ACE: variants seen among roughly 807,000 people sequenced by gnomAD.
The protein encoded by ACE is angiotensin-converting enzyme.
ACE carries 122 observed loss-of-function variants against 162.3 expected under a neutral mutation model. The observed-to-expected ratio is 0.75, with a 90% CI of 0.65 to 0.87. The LOEUF (loss-of-function observed/expected upper bound fraction) is 0.87. Ranked by LOEUF, ACE falls within the 40% of genes least tolerant of loss-of-function variation. The pLI is 0.00. For synonymous variants in ACE, 796 were observed against 720.6 expected, an observed-to-expected ratio of 1.10 and a Z score of -1.68; for missense variants, 1,799 against 1,735.1, an observed-to-expected ratio of 1.04 and a Z score of -0.65.
intron 20 of ACE, 106 bp downstream of exon 20, chr17:63,493,765 C>T: frequency 1.3e-6 from 2 of 1,518,338 alleles, no homozygotes; most frequent in Non-Finnish European, 1.8e-6. Context: ...AGGTGTGGGG[C>T]AGAGCAATCG....
rs1266802762 is a variant in ACE at position 63,483,990 on chromosome 17, G to C, written c.1709+19G>C. On this transcript the variant is annotated intron_variant, in intron 11 of 24. Transcript: ENST00000290866. The stretch of plus-strand genomic sequence containing the variant: ...AGCTCCGGTGTGTGGTGGGAAGCCG[G>C]GGGAAGTGGGAGGCAGAGAGGAGCG... 9 of 1,607,016 alleles carry C rather than the reference G, an allele frequency of 5.6e-6. No homozygotes were observed. Among genetic ancestry groups the C allele is most frequent in the Non-Finnish European group, 7.6e-6 (9 of 1,177,134 alleles).
At chr17:63,481,414 T>C in intron 6 of ACE, 152 bp from the exon 7 acceptor site, 1 of 913,658 alleles carries the variant, frequency 1.1e-6, no homozygotes, top group South Asian at 1.6e-5. Flanking sequence ...ACTCATCTGC[T>C]GTGGGAGTGA....
intron 10 of ACE, 29 bp downstream of exon 10, chr17:63,483,587 C>T (rs1473372218): frequency 3.2e-5 from 48 of 1,519,910 alleles, no homozygotes; most frequent in Non-Finnish European, 4.3e-5. Context: ...CACCCACCCC[C>T]AGTACTGTCA....
Position 63,477,924 on chromosome 17 carries a change from C to G in ACE, c.250-7C>G. ...TACACCCTCCCTGCCCTCCTGGTGC[C>G]CAATAGGAGGAAGCAGCCCTGCTCA... On this transcript the variant is annotated splice_region_variant and splice_polypyrimidine_tract_variant and intron_variant, in intron 1 of 24. Transcript: ENST00000290866. The G allele has an allele frequency of 6.2e-7, 1 of 1,608,048 alleles. No individual in the cohort carries two copies. Among genetic ancestry groups the G allele is most frequent in the Non-Finnish European group, 8.5e-7 (1 of 1,177,440 alleles).
intron 14 of ACE, 80 bp downstream of exon 14, chr17:63,486,795 T>G: frequency 6.4e-7 from 1 of 1,574,548 alleles, no homozygotes; most frequent in South Asian, 1.1e-5. Flanking sequence ...GCCTTCACGC[T>G]GCTTCCTCTT....
At chr17:63,488,543 T>TTTTTTTTTTTTTAGACGG in intron 15 of ACE, 105 bp from the exon 16 acceptor site, 3 of 1,253,710 alleles carry the variant, frequency 2.4e-6, no homozygotes, top group South Asian at 1.2e-5. Flanking sequence ...CAGTCACTTT[T>TTTTTTTTTTTTTAGACGG]ATGTGGTTTC....
At chr17:63,480,286 T>G in intron 4 of ACE, 51 bp from the exon 5 acceptor site, 1 of 1,594,268 alleles carries the variant, frequency 6.3e-7, no homozygotes, top group Non-Finnish European at 8.6e-7. Flanking sequence ...GCTGAGAGGC[T>G]GAGGTCCGAG....
intron 3 of ACE, among the ~76,000 whole-genome samples, chr17:63,479,557 G>A (rs1271291668): frequency 6.6e-6 from 1 of 152,204 alleles, no homozygotes; most frequent in Non-Finnish European, 1.5e-5. Context: ...GCCACCTTAG[G>A]TGGTCATGTC....
intron 19 of ACE, among the ~76,000 whole-genome samples, 195 bp from the exon 20 acceptor site, chr17:63,493,241 A>G (rs1411018357): frequency 6.6e-6 from 1 of 152,194 alleles, no homozygotes; most frequent in East Asian, 1.9e-4. Flanking sequence ...GCCCGATGCT[A>G]GGGGCTTCTG....
intron 15 of ACE, among the ~76,000 whole-genome samples, chr17:63,488,367 A>AGG (rs2030113186): frequency 6.8e-6 from 1 of 146,112 alleles, no homozygotes; most frequent in African/African-American, 2.5e-5. Context: ...TCAGAAAAAA[A>AGG]AAAAAAAAAA....
At chr17:63,492,238 C>T (rs908613539) in intron 19 of ACE, among the ~76,000 whole-genome samples, 4 of 152,230 alleles carry the variant, frequency 2.6e-5, no homozygotes, top group Non-Finnish European at 1.5e-5. Context: ...CAACTACTGA[C>T]GCAGCCAGTT....
At chr17:63,492,077 A>C (rs760564803) in intron 19 of ACE, among the ~76,000 whole-genome samples, 1 of 152,096 alleles carries the variant, frequency 6.6e-6, no homozygotes, top group Non-Finnish European at 1.5e-5. Context: ...ACATGTTCCC[A>C]GTGGCCTCTT....
At chr17:63,481,026 C>T (rs868109489) in intron 5 of ACE, 65 bp from the exon 6 acceptor site, 9 of 1,506,852 alleles carry the variant, frequency 6.0e-6, no homozygotes, top group Middle Eastern at 1.7e-4. Context: ...TGCCACTCAG[C>T]GATGCATGAA....
chr17:63,481,234 G>GGGGGCCC, intron 6 of ACE, 46 bp downstream of exon 6: 1 of 624,018 alleles, frequency 1.6e-6, no homozygotes, highest in Non-Finnish European at 3.0e-6. Flanking sequence ...CGGGGGTGGG[G>GGGGGCCC]CGCAAAAAAA....
In ACE at chr17:63,497,315, G is replaced by C; in HGVS notation, c.3870G>C (p.Arg1290=). ...LFSIRHRSLH[R]HSHGPQFGSE... is the part of the protein sequence containing the mutation. ...GCATCCGCCACCGCAGCCTCCACCG[G>C]CACTCCCACGGGCCCCAGTTCGGCT... Residue 1290 remains arginine (R), a synonymous_variant, in exon 25 of 25, where the codon CGG becomes CGC. Coordinates refer to ENST00000290866, the MANE Select transcript of ACE (RefSeq NM_000789.4). The C allele has an allele frequency of 5.2e-6, 8 of 1,549,228 alleles. No homozygotes were observed. Among genetic ancestry groups the C allele is most frequent in the Non-Finnish European group, 7.0e-6 (8 of 1,147,526 alleles).
chr17:63,478,502 C>A (rs2049655340), intron 2 of ACE: 4 of 268,928 alleles, frequency 1.5e-5, no homozygotes, highest in Non-Finnish European at 1.5e-5. Flanking sequence ...CTCGTCTCTA[C>A]AAAAAAAAAA....
intron 2 of ACE, 161 bp downstream of exon 2, chr17:63,478,259 G>A (rs936646043): frequency 1.2e-5 from 11 of 945,938 alleles, no homozygotes; most frequent in African/African-American, 1.7e-5. Flanking sequence ...TCTGAGCATT[G>A]ATTTTTCTTG....
chr17:63,483,567 G>GCGGGGGGGGGGCCCCCCCCCCCCCCC lies in ACE; in HGVS notation c.1586+10_1586+11insGGGGGGGGGGCCCCCCCCCCCCCCCC. 3.1e-6 allele frequency: 5 copies of GCGGGGGGGGGGCCCCCCCCCCCCCCC among 1,589,334 alleles called. No individual in the cohort carries two copies. Among genetic ancestry groups the GCGGGGGGGGGGCCCCCCCCCCCCCCC allele is most frequent in the Non-Finnish European group, 4.3e-6 (5 of 1,165,520 alleles). On this transcript the variant is annotated intron_variant, in intron 10 of 24. Coordinates refer to ENST00000290866, the MANE Select transcript of ACE (RefSeq NM_000789.4). ...GTGACACCATACATCAGGTATTAGC[G>GCGGGGGGGGGGCCCCCCCCCCCCCCC]CCCCCACCCCACCCACCCCCAGTAC... is the stretch of plus-strand genomic sequence containing the variant.
intron 12 of ACE, 135 bp from the exon 13 acceptor site, chr17:63,485,101 G>T (rs1311810669): frequency 1.9e-6 from 3 of 1,592,244 alleles, no homozygotes; most frequent in Admixed American, 3.6e-5. Context: ...GGGTGCCAGG[G>T]GTGGGAGAGG....
Sources: allele counts gnomAD v4.1 joint callset (sites outside exome capture counted in the v4.1 genomes callset), GRCh38; gene constraint gnomAD v4.1.1; transcripts MANE v1.5; gene names NCBI Gene and HGNC (gene_info 2026-07-23, HGNC 2026-07-21).